CHAT: variants seen among roughly 807,000 people sequenced by gnomAD.
CHAT encodes acetyl CoA:choline O-acetyltransferase.
A neutral mutation model predicts 76.9 loss-of-function variants in CHAT; 61 were observed. The observed-to-expected ratio is 0.79, with a 90% CI of 0.65 to 0.98. The LOEUF (loss-of-function observed/expected upper bound fraction) is 0.98. Ranked by LOEUF, CHAT falls within the 50% of genes least tolerant of loss-of-function variation. The pLI, the probability that CHAT is intolerant of heterozygous loss-of-function variation, is 0.00. For missense variants in CHAT, 946 were observed against 986.9 expected (o/e 0.96, Z 0.56); for synonymous variants, 407 against 397.4 (o/e 1.02, Z -0.29).
At chr10:49,617,477 T>A (rs149878409) in intron 2 of CHAT, among the ~76,000 whole-genome samples, 220 of 152,312 alleles carry the variant, frequency 1.4e-3, no homozygotes, top group African/African-American at 5.0e-3. Context: ...AGACACTCCT[T>A]AGCACAGGGC....
At chr10:49,621,709 T>C (rs1838715607) in intron 4 of CHAT, among the ~76,000 whole-genome samples, 1 of 152,132 alleles carries the variant, frequency 6.6e-6, no homozygotes, top group Non-Finnish European at 1.5e-5. Flanking sequence ...TGGCCTCTCC[T>C]AGCTTCCGTC....
chr10:49,611,853 G>T (rs1360779629), upstream of CHAT: 5 of 1,605,530 alleles, frequency 3.1e-6, no homozygotes, highest in Non-Finnish European at 4.2e-6. Flanking sequence ...GCGCCAGCTC[G>T]TGCATCGTGC....
upstream of CHAT, among the ~76,000 whole-genome samples, chr10:49,610,127 C>A (rs969837334): frequency 4.6e-4 from 70 of 152,066 alleles, no homozygotes; most frequent in African/African-American, 1.6e-3. Context: ...TCCTGGGCCT[C>A]CAGCCCTGGA....
upstream of CHAT, chr10:49,611,345 A>G (rs767060998): frequency 6.2e-7 from 1 of 1,601,958 alleles, no homozygotes; most frequent in Non-Finnish European, 8.5e-7. Flanking sequence ...ATGATCGCCG[A>G]TAAGTACCCG....
chr10:49,649,455 C>T, intron 9 of CHAT, 53 bp from the exon 10 acceptor site: 2 of 1,612,924 alleles, frequency 1.2e-6, no homozygotes, highest in Non-Finnish European at 1.7e-6. Flanking sequence ...GAAGAGATGC[C>T]TCCCACAGCT....
At chr10:49,612,392 T>A, upstream of CHAT, 1 of 1,508,748 alleles carries the variant, frequency 6.6e-7, no homozygotes, top group Non-Finnish European at 8.9e-7. Flanking sequence ...AGGGGGCTGC[T>A]CTGCAAGCCC....
intron 13 of CHAT, among the ~76,000 whole-genome samples, chr10:49,661,889 C>A (rs1382750748): frequency 6.6e-6 from 1 of 152,178 alleles, no homozygotes; most frequent in African/African-American, 2.4e-5. Context: ...CATCCTGGAG[C>A]TTTCTCTATA....
At chr10:49,630,996 T>C (rs866120276) in intron 7 of CHAT, among the ~76,000 whole-genome samples, 1 of 152,196 alleles carries the variant, frequency 6.6e-6, no homozygotes, top group Non-Finnish European at 1.5e-5. Flanking sequence ...TGAGCTCATA[T>C]ATGAAGGTTC....
intron 7 of CHAT, among the ~76,000 whole-genome samples, chr10:49,633,887 G>A (rs952062910): frequency 6.6e-6 from 1 of 152,186 alleles, no homozygotes; most frequent in African/African-American, 2.4e-5. Context: ...TTGCAAGGAG[G>A]GAACTGACAG....
chr10:49,628,685 G>A lies in CHAT; in HGVS notation c.1111+900G>A, dbSNP rs143353549. On this transcript the variant is annotated intron_variant, in intron 7 of 14. Coordinates refer to ENST00000337653, the MANE Select transcript of CHAT (RefSeq NM_020549.5). ...TGCTCCAGGACTTCAGAGAGGGGACGGAGCCCTTCCGAGTGGGATTGTGAA... is the reference window on the plus strand; with the variant it reads ...TGCTCCAGGACTTCAGAGAGGGGACAGAGCCCTTCCGAGTGGGATTGTGAA... Among the ~76,000 whole-genome samples the A allele has an allele frequency of 3.3e-4, 51 of 152,340 alleles. No individual in the cohort carries two copies. In the Middle Eastern group the frequency reaches 0.017, roughly 51 times the overall value.
At chr10:49,653,221 C>T (rs576085537) in intron 11 of CHAT, among the ~76,000 whole-genome samples, 17 of 152,084 alleles carry the variant, frequency 1.1e-4, no homozygotes, top group Non-Finnish European at 2.1e-4. Flanking sequence ...CCTGGTGGCC[C>T]AGGTAGCTGT....
At chr10:49,619,346 T>C (rs1056318637) in intron 2 of CHAT, among the ~76,000 whole-genome samples, 3 of 152,192 alleles carry the variant, frequency 2.0e-5, no homozygotes, top group Non-Finnish European at 4.4e-5. Flanking sequence ...ATTTTCTGTT[T>C]GATCCTATGA....
At chr10:49,664,605 A>C (rs994381005) in intron 14 of CHAT, among the ~76,000 whole-genome samples, 172 bp from the exon 15 acceptor site, 7 of 152,180 alleles carry the variant, frequency 4.6e-5, no homozygotes, top group African/African-American at 1.7e-4. Flanking sequence ...GATATCATGC[A>C]GTTAGATGGG....
intron 5 of CHAT, among the ~76,000 whole-genome samples, chr10:49,624,977 A>AGATGGATGGGTG (rs2132726462): frequency 6.6e-6 from 1 of 151,544 alleles, no homozygotes; most frequent in South Asian, 2.1e-4. Flanking sequence ...GATGATGGAT[A>AGATGGATGGGTG]GATGGATGGG....
intron 4 of CHAT, among the ~76,000 whole-genome samples, chr10:49,621,521 A>G (rs1838708125): frequency 6.6e-6 from 1 of 152,134 alleles, no homozygotes; most frequent in South Asian, 2.1e-4. Context: ...GCCTTTCCCC[A>G]AGCACTCGAT....
At chr10:49,634,683 C>T (rs1839238832) in intron 7 of CHAT, among the ~76,000 whole-genome samples, 2 of 152,136 alleles carry the variant, frequency 1.3e-5, no homozygotes, top group African/African-American at 2.4e-5. Flanking sequence ...GTTTGGGGTA[C>T]AAGATAGCTA....
At chr10:49,655,530 CCT>C (rs1840009234) in intron 13 of CHAT, 82 bp downstream of exon 13, 15 of 1,311,028 alleles carry the variant, frequency 1.1e-5, no homozygotes, top group African/African-American at 2.9e-5. Context: ...GGCATAAGAC[CCT>C]GTGTGAGGGC....
At chr10:49,647,294 T>A (rs759248468) in intron 8 of CHAT, 1 of 156,528 alleles carries the variant, frequency 6.4e-6, no homozygotes, top group Admixed American at 6.1e-5. Flanking sequence ...AAAATACCCA[T>A]GCAGACGGGA....
intron 7 of CHAT, among the ~76,000 whole-genome samples, chr10:49,642,047 A>AG (rs1342291150): frequency 6.6e-6 from 1 of 152,104 alleles, no homozygotes; most frequent in Non-Finnish European, 1.5e-5. Flanking sequence ...CAAAGCTGTC[A>AG]GCTCCCTCCT....
Sources: allele counts gnomAD v4.1 joint callset (sites outside exome capture counted in the v4.1 genomes callset), GRCh38; gene constraint gnomAD v4.1.1; transcripts MANE v1.5; gene names NCBI Gene and HGNC (gene_info 2026-07-23, HGNC 2026-07-21).